Variants in PIWIL3 observed in about 807,000 individuals in gnomAD.
PIWIL3 encodes piwi like RNA-mediated gene silencing 3.
Under a neutral mutation model 109.7 loss-of-function variants are expected in PIWIL3, and 101 were observed. The observed-to-expected ratio is 0.92, with a 90% CI of 0.78 to 1.09. The LOEUF (loss-of-function observed/expected upper bound fraction) is 1.09, where lower values mean the gene tolerates loss of function less well. Ranked by LOEUF, PIWIL3 falls within the 50% of genes least tolerant of loss-of-function variation. The pLI is 0.00. For synonymous variants in PIWIL3, 373 were observed against 376.4 expected (o/e 0.99, Z 0.10); for missense variants, 1,031 against 1,072.6 (o/e 0.96, Z 0.54).
At chr22:24,726,637 A>C (rs1923018430) in intron 16 of PIWIL3, among the ~76,000 whole-genome samples, 1 of 152,218 alleles carries the variant, frequency 6.6e-6, no homozygotes, top group African/African-American at 2.4e-5. Flanking sequence ...TGGAAAGCAG[A>C]TTTTACACTA....
At chr22:24,761,978 A>G (rs1925464984) in intron 2 of PIWIL3, 1 of 990,224 alleles carries the variant, frequency 1.0e-6, no homozygotes. Flanking sequence ...TGTGAATGTA[A>G]AGTGGATATG....
intron 14 of PIWIL3, among the ~76,000 whole-genome samples, chr22:24,733,813 C>A (rs1487819804): frequency 1.3e-5 from 2 of 151,954 alleles, no homozygotes; most frequent in South Asian, 2.1e-4. Flanking sequence ...ATTATTAATA[C>A]CCACACTACT....
chr22:24,762,257 C>T (rs1265221873), intron 2 of PIWIL3, 141 bp downstream of exon 2: 4 of 1,356,102 alleles, frequency 2.9e-6, no homozygotes, highest in African/African-American at 1.5e-5. Context: ...GCCATCTATA[C>T]AGCCTGACTT....
rs1244574081 is a variant in PIWIL3 at position 24,751,395 on chromosome 22, A to G, written c.1081T>C (p.Tyr361His). The change falls in exon 9 of 21, where the codon TAC becomes CAC. Residue 361 changes from tyrosine to histidine, a missense_variant. Transcript: ENST00000616349. ...DGSKITYIDY[Y>H]RQQHKEIVTV... is the part of the protein sequence containing the mutation. ...GAAATACAGTTTCATACCTGCCTGT[A>G]GTAGTCTATATAGGTGATTTTGCTG... 1 of 1,609,312 alleles carries G rather than the reference A, an allele frequency of 6.2e-7. No homozygotes were observed. Among genetic ancestry groups the G allele is most frequent in the Non-Finnish European group, 8.5e-7 (1 of 1,178,658 alleles).
Position 24,735,859 on chromosome 22 carries a change from C to T in PIWIL3, c.1483G>A (p.Glu495Lys). The T allele has an allele frequency of 6.2e-7, 1 of 1,609,114 alleles. No homozygotes were observed. The highest frequency in any genetic ancestry group is 8.5e-7 in the Non-Finnish European group (1 of 1,178,564). The change falls in exon 13 of 21, where the codon GAA becomes AAA. Residue 495 changes from glutamate to lysine, a missense_variant. Transcript: ENST00000616349. Reference sequence around the variant, plus strand: ...TTAAGTAAGGGTAATTCTCTTATTTCTCTTGACCAGTCTCCTTGTGAATTG... The same window carrying T: ...TTAAGTAAGGGTAATTCTCTTATTTTTCTTGACCAGTCTCCTTGTGAATTG... ...KANSQGDWSR[E>K]IRELPLLNAM...
At chr22:24,743,301 G>T (rs1189369641) in intron 12 of PIWIL3, among the ~76,000 whole-genome samples, 1 of 152,160 alleles carries the variant, frequency 6.6e-6, no homozygotes, top group African/African-American at 2.4e-5. Flanking sequence ...ATTTCTTAAA[G>T]GACTACAAGA....
At chr22:24,753,503 T>A (rs1924832265) in intron 8 of PIWIL3, among the ~76,000 whole-genome samples, 2 of 152,222 alleles carry the variant, frequency 1.3e-5, no homozygotes, top group Non-Finnish European at 2.9e-5. Flanking sequence ...TAGACCAACA[T>A]CACACTGTCT....
In PIWIL3 at chr22:24,721,741, G is replaced by A. The variant is rs376188475; in HGVS notation, c.2357+1389C>T. 9.9e-5 allele frequency among the ~76,000 whole-genome samples: 15 copies of A among 151,914 alleles called. No individual in the cohort carries two copies. The South Asian group carries it at 2.5e-3, about 25-fold the overall frequency. On this transcript the variant is annotated intron_variant, in intron 19 of 20. Coordinates refer to ENST00000616349, the MANE Select transcript of PIWIL3 (RefSeq NM_001255975.1). The stretch of plus-strand genomic sequence containing the variant: ...GACCTTTTCATTAGATATTCTTACG[G>A]CCTTTATTCCTTTTTATATCTTTTC...
chr22:24,763,751 G>A (rs1428038284), intron 1 of PIWIL3, among the ~76,000 whole-genome samples: 2 of 151,994 alleles, frequency 1.3e-5, no homozygotes, highest in Non-Finnish European at 2.9e-5. Context: ...AAGGAGCCCA[G>A]GTGCCCCCAG....
rs79092411 is a variant in PIWIL3, at chr22:24,723,430, G to A, written c.2232-175C>T. ...ATGTGCCCGGTTGAAGCAGTAAATG[G>A]GGAGGTATTTATTCATAGCCACCCA... On this transcript the variant is annotated intron_variant, in intron 18 of 20. Coordinates refer to ENST00000616349, the MANE Select transcript of PIWIL3 (RefSeq NM_001255975.1). Among the ~76,000 whole-genome samples the A allele has an allele frequency of 5.5e-3, 833 of 152,254 alleles. 6 individuals carry two copies. Among genetic ancestry groups the A allele is most frequent in the African/African-American group, 0.018 (762 of 41,532 alleles).
intron 14 of PIWIL3, among the ~76,000 whole-genome samples, chr22:24,729,605 G>A (rs1326852977): frequency 6.6e-6 from 1 of 152,186 alleles, no homozygotes; most frequent in Non-Finnish European, 1.5e-5. Flanking sequence ...GCCTGTTCCT[G>A]ACTTGCTTGG....
chr22:24,756,872 G>A (rs1451405524), intron 4 of PIWIL3, among the ~76,000 whole-genome samples, 167 bp from the exon 5 acceptor site: 1 of 151,954 alleles, frequency 6.6e-6, no homozygotes, highest in Non-Finnish European at 1.5e-5. Context: ...CTGACATCAG[G>A]AGTTCCAGAC....
intron 4 of PIWIL3, 60 bp downstream of exon 4, chr22:24,757,848 A>G: frequency 6.8e-7 from 1 of 1,477,440 alleles, no homozygotes. Flanking sequence ...TCAATGAAAA[A>G]AAAAAAAAAA....
chr22:24,732,576 C>A (rs1039590977), intron 14 of PIWIL3, among the ~76,000 whole-genome samples: 3 of 152,176 alleles, frequency 2.0e-5, no homozygotes, highest in Non-Finnish European at 4.4e-5. Flanking sequence ...GTAATCCCAG[C>A]ACTTTGGGAG....
rs2147668541 is a variant in PIWIL3 at position 24,736,546 on chromosome 22, G to A, written c.1450-654C>T. On this transcript the variant is annotated intron_variant, in intron 12 of 20. Transcript: ENST00000616349. ...GGATGGAGTAAGATGGCCAAATAGA[G>A]GGCTCCACTGATCATCCCTACAAGA... Among the ~76,000 whole-genome samples, 3 of 152,170 alleles carry A rather than the reference G, an allele frequency of 2.0e-5. No individual in the cohort carries two copies. The South Asian group carries it at 6.2e-4, about 32-fold the overall frequency.
At position 24,719,444 on chromosome 22, in the gene PIWIL3, A is replaced by G. The variant is rs1334785143; in HGVS notation, c.*28T>C. On this transcript the variant is annotated 3_prime_UTR_variant, in exon 21 of 21. Transcript: ENST00000616349. ...AGACAGGCTTACACGTTGTGGTTTC[A>G]TTAGCACATCAGGTCTTCTTCTGCA... 4 of 1,489,874 alleles carry G rather than the reference A, an allele frequency of 2.7e-6. No individual in the cohort carries two copies. Among genetic ancestry groups the G allele is most frequent in the Admixed American group, 2.2e-5 (1 of 45,038 alleles). The allele number at this position is 1,489,874 out of a possible 1,614,324, so 92.3% of individuals were successfully genotyped here.
In PIWIL3 at chr22:24,724,942, G is replaced by A. The variant is rs748441647; in HGVS notation, c.2176C>T (p.Leu726Phe). 1.9e-5 allele frequency: 31 copies of A among 1,614,008 alleles called. No homozygotes were observed. In the East Asian group the frequency reaches 6.5e-4, roughly 34 times the overall value. ...GVGDGQLQALLDHEAKKMSTY... is the reference protein window; with the variant it reads ...GVGDGQLQALFDHEAKKMSTY... ...GACATCTTTTTCGCTTCATGGTCAA[G>A]CAATGCTTGAAGCTGACCATCTCCC... The change falls in exon 18 of 21, where the codon CTT (leucine) becomes TTT (phenylalanine). Residue 726 changes from leucine to phenylalanine, a missense_variant. Physicochemically the swap from Leu to Phe is conservative, Grantham distance 22. Transcript: ENST00000616349.
intron 12 of PIWIL3, among the ~76,000 whole-genome samples, chr22:24,744,368 C>T (rs1030349178): frequency 3.3e-5 from 5 of 151,616 alleles, no homozygotes; most frequent in East Asian, 1.9e-4. Flanking sequence ...GTCAGGAGTT[C>T]GAGACCAGCC....
chr22:24,755,757 CAAAG>C, intron 6 of PIWIL3, 23 bp downstream of exon 6: 1 of 1,613,020 alleles, frequency 6.2e-7, no homozygotes, highest in Non-Finnish European at 8.5e-7. Flanking sequence ...GAATGAGTAT[CAAAG>C]AAACTCAACC....
Sources: gnomAD v4.1 joint callset for allele counts (sites outside exome capture counted in the v4.1 genomes callset) on GRCh38, gnomAD v4.1.1 for gene constraint, MANE v1.5 for transcripts, NCBI Gene and HGNC (gene_info 2026-07-23, HGNC 2026-07-21) for gene names.